The following RBFOX1 variants were observed in gnomAD, a reference collection of about 807,000 sequenced individuals.
RBFOX1 encodes RNA binding fox-1 homolog 1.
Under a neutral mutation model 57.7 loss-of-function variants are expected in RBFOX1, and 8 were observed. The observed-to-expected ratio is 0.14, with a 90% confidence interval of 0.08 to 0.25. The LOEUF (loss-of-function observed/expected upper bound fraction) is 0.25. Among genes scored for constraint, RBFOX1 ranks in the 10% least tolerant of loss-of-function variants. The pLI is 1.00. For missense variants in RBFOX1, 611 were observed against 548.5 expected (o/e 1.11, Z -1.14); for synonymous variants, 326 against 222.4 (o/e 1.47, Z -4.15).
At chr16:5,523,537 G>T (rs947524445) in intron 2 of RBFOX1, among the ~76,000 whole-genome samples, 1 of 152,052 alleles carries the variant, frequency 6.6e-6, no homozygotes, top group Non-Finnish European at 1.5e-5. Flanking sequence ...GATCACCTGA[G>T]CCCAGGATGG....
intron 2 of RBFOX1, among the ~76,000 whole-genome samples, chr16:6,393,488 G>A (rs1421674061): frequency 6.6e-6 from 1 of 152,128 alleles, no homozygotes; most frequent in Non-Finnish European, 1.5e-5. Flanking sequence ...TCTGATCCAT[G>A]CATGGAACAG....
chr16:7,486,689 C>T (rs1402273916), intron 4 of RBFOX1, among the ~76,000 whole-genome samples: 1 of 152,072 alleles, frequency 6.6e-6, no homozygotes, highest in Non-Finnish European at 1.5e-5. Flanking sequence ...TGGGTGGTAT[C>T]TCCTGCCATT....
chr16:7,248,175 G>T (rs150337800), intron 4 of RBFOX1, among the ~76,000 whole-genome samples: 126 of 152,312 alleles, frequency 8.3e-4, no homozygotes, highest in African/African-American at 2.9e-3. Context: ...TTCTTTATCA[G>T]TTAGGGATAT....
intron 3 of RBFOX1, among the ~76,000 whole-genome samples, chr16:6,839,554 C>A (rs35409423): frequency 0.45 from 68,675 of 151,958 alleles, 17,936 homozygotes; most frequent in East Asian, 0.87. Context: ...TATCTGAGAA[C>A]ACTGAAATGC....
At chr16:7,437,439 G>C (rs2098731966) in intron 4 of RBFOX1, among the ~76,000 whole-genome samples, 1 of 152,050 alleles carries the variant, frequency 6.6e-6, no homozygotes, top group East Asian at 1.9e-4. Flanking sequence ...GAGACAAAAG[G>C]ACACTGTTGG....
intron 2 of RBFOX1, among the ~76,000 whole-genome samples, chr16:6,467,551 G>C (rs17140307): frequency 0.019 from 2,839 of 152,228 alleles, 80 homozygotes; most frequent in African/African-American, 0.062. Flanking sequence ...AGAATAAAGA[G>C]AGCTGGTTTT....
chr16:5,518,644 A>G (rs2043889551), intron 2 of RBFOX1, among the ~76,000 whole-genome samples: 1 of 152,194 alleles, frequency 6.6e-6, no homozygotes. Context: ...TTAGTGGTTC[A>G]TATTAGTGGG....
chr16:6,925,383 C>T (rs62017709), intron 3 of RBFOX1, among the ~76,000 whole-genome samples: 342 of 151,740 alleles, frequency 2.3e-3, no homozygotes, highest in Non-Finnish European at 3.4e-3. Flanking sequence ...CCTTGGTCTC[C>T]GAACGTGCCG....
chr16:5,984,970 ATATATATT>A (rs200465330), intron 4 of RBFOX1, among the ~76,000 whole-genome samples: 92 of 53,162 alleles, frequency 1.7e-3, no homozygotes, highest in Non-Finnish European at 2.4e-3. Flanking sequence ...ATATATATAT[ATATATATT>A]TTTTTTTTTT....
intron 4 of RBFOX1, among the ~76,000 whole-genome samples, chr16:5,928,654 T>C (rs1041019635): frequency 2.0e-5 from 3 of 150,834 alleles, no homozygotes; most frequent in African/African-American, 7.3e-5. Flanking sequence ...CCAGAGCCGA[T>C]GCTGACCAGG....
At chr16:7,705,948 G>A (rs1240781847) in intron 14 of RBFOX1, among the ~76,000 whole-genome samples, 2 of 152,212 alleles carry the variant, frequency 1.3e-5, no homozygotes, top group Non-Finnish European at 2.9e-5. Context: ...AGGGATGCAT[G>A]GTGTGGAGGA....
chr16:7,695,281 C>T (rs1273474380), intron 14 of RBFOX1, among the ~76,000 whole-genome samples: 1 of 152,040 alleles, frequency 6.6e-6, no homozygotes, highest in African/African-American at 2.4e-5. Context: ...AGATTATCTC[C>T]CAGCAAGTTC....
chr16:6,529,193 A>G (rs1028468682), intron 2 of RBFOX1, among the ~76,000 whole-genome samples: 2 of 152,150 alleles, frequency 1.3e-5, no homozygotes, highest in Non-Finnish European at 2.9e-5. Context: ...CCTATTAAAG[A>G]GGGTTGTTTT....
intron 2 of RBFOX1, among the ~76,000 whole-genome samples, chr16:6,433,286 T>G (rs1269073191): frequency 6.6e-6 from 1 of 152,220 alleles, no homozygotes; most frequent in Non-Finnish European, 1.5e-5. Context: ...CAGAGAAGGT[T>G]TGCTTCATTT....
chr16:7,042,731 G>T (rs1304705595), intron 3 of RBFOX1, among the ~76,000 whole-genome samples: 2 of 152,134 alleles, frequency 1.3e-5, no homozygotes, highest in Non-Finnish European at 2.9e-5. Context: ...TTCAAGACCA[G>T]CCTGGCCAAC....
At chr16:7,140,694 G>A (rs906828737) in intron 4 of RBFOX1, among the ~76,000 whole-genome samples, 1 of 152,120 alleles carries the variant, frequency 6.6e-6, no homozygotes, top group Non-Finnish European at 1.5e-5. Flanking sequence ...CTCTCAGAGT[G>A]ATATCCTGTG....
At chr16:6,073,682 T>A (rs752381824) in intron 1 of RBFOX1, among the ~76,000 whole-genome samples, 2 of 152,206 alleles carry the variant, frequency 1.3e-5, no homozygotes, top group African/African-American at 4.8e-5. Context: ...GGATTCCTAT[T>A]TTATTGTAAG....
At chr16:5,337,728 C>T (rs1331063592) in intron 1 of RBFOX1, among the ~76,000 whole-genome samples, 1 of 152,118 alleles carries the variant, frequency 6.6e-6, no homozygotes, top group Admixed American at 6.5e-5. Flanking sequence ...TGTGCCTGTA[C>T]AGATAGTTGA....
intron 13 of RBFOX1, among the ~76,000 whole-genome samples, chr16:7,674,122 A>G (rs1040095906): frequency 6.6e-6 from 1 of 152,238 alleles, no homozygotes; most frequent in African/African-American, 2.4e-5. Context: ...ACACTGAGTT[A>G]ATACACAACT....
Sources: allele counts gnomAD v4.1 joint callset (sites outside exome capture counted in the v4.1 genomes callset), GRCh38; gene constraint gnomAD v4.1.1; transcripts MANE v1.5; gene names NCBI Gene and HGNC (gene_info 2026-07-23, HGNC 2026-07-21).